The following MRTFB variants were observed in gnomAD, a reference collection of about 807,000 sequenced individuals.
MRTFB encodes myocardin-related transcription factor B.
MRTFB carries 29 observed loss-of-function variants against 104.2 expected under a neutral mutation model. The observed-to-expected ratio is 0.28, with a 90% CI of 0.21 to 0.38. The LOEUF is 0.38. Among genes scored for constraint, MRTFB ranks in the 10% least tolerant of loss-of-function variants. MRTFB has a pLI of 1.00. For synonymous variants in MRTFB, 535 were observed against 519.5 expected (o/e 1.03, Z -0.41); for missense variants, 1,270 against 1,341.6 (o/e 0.95, Z 0.83).
chr16:14,219,134 T>TTAAC, intron 8 of MRTFB, 136 bp downstream of exon 8: 6 of 829,010 alleles, frequency 7.2e-6, no homozygotes, highest in Non-Finnish European at 1.0e-5. Flanking sequence ...AAGCAGGCAC[T>TTAAC]TAACTGCCCT....
the MRTFB span, among the ~76,000 whole-genome samples, chr16:14,006,963 G>A: frequency 6.6e-6 from 1 of 152,000 alleles, no homozygotes; most frequent in Non-Finnish European, 1.5e-5. Context: ...GCTGCAGTGA[G>A]CTATGATCGC....
At chr16:14,030,353 G>A in the MRTFB span, among the ~76,000 whole-genome samples, 4 of 152,144 alleles carry the variant, frequency 2.6e-5, no homozygotes, top group Non-Finnish European at 4.4e-5. Flanking sequence ...ACACTGCCAC[G>A]GAGTCAGATA....
At chr16:14,230,102 C>G (rs1408320519) in intron 8 of MRTFB, among the ~76,000 whole-genome samples, 1 of 152,038 alleles carries the variant, frequency 6.6e-6, no homozygotes, top group Non-Finnish European at 1.5e-5. Context: ...AAACTGGATC[C>G]CTTCCTTACA....
At chr16:14,037,485 G>A in the MRTFB span, among the ~76,000 whole-genome samples, 1 of 152,282 alleles carries the variant, frequency 6.6e-6, no homozygotes, top group East Asian at 1.9e-4. Context: ...AATGGGGGAA[G>A]GGTGTCTTCC....
chr16:14,098,181 C>G (rs926339350), intron 2 of MRTFB, among the ~76,000 whole-genome samples: 1 of 152,104 alleles, frequency 6.6e-6, no homozygotes, highest in Non-Finnish European at 1.5e-5. Flanking sequence ...TCCAAGTTGT[C>G]ATTTCCTTTT....
rs369511525 is a variant in MRTFB at position 14,227,951 on chromosome 16, TA to T, written c.694-6179del. Among the ~76,000 whole-genome samples, 1,123 of 134,420 alleles carry T rather than the reference TA, an allele frequency of 8.4e-3. 4 individuals carry two copies. Among genetic ancestry groups the T allele is most frequent in the Non-Finnish European group, 0.013 (792 of 61,752 alleles). The allele number at this position is 134,420 out of a possible 152,430, so 88.2% of individuals were successfully genotyped here. On this transcript the variant is annotated intron_variant, in intron 8 of 16. Coordinates refer to ENST00000571589, the MANE Select transcript of MRTFB (RefSeq NM_001308142.2). Reference sequence around the variant, plus strand: ...ATGTGGTTTTTGTTGCAGTCTATCTTAAAAAAAAAAAAAAAACAGGCAAAGG... The same window carrying T: ...ATGTGGTTTTTGTTGCAGTCTATCTTAAAAAAAAAAAAAAACAGGCAAAGG...
intron 3 of MRTFB, among the ~76,000 whole-genome samples, chr16:14,154,439 C>T (rs1025638904): frequency 1.3e-5 from 2 of 151,840 alleles, no homozygotes; most frequent in African/African-American, 2.4e-5. Context: ...AGCATAGAGC[C>T]GAATCTTTTT....
intron 3 of MRTFB, among the ~76,000 whole-genome samples, chr16:14,166,508 G>A (rs2039247602): frequency 6.6e-6 from 1 of 152,100 alleles, no homozygotes; most frequent in Non-Finnish European, 1.5e-5. Flanking sequence ...TGTTGTTGTT[G>A]TTGTTTGCTT....
At chr16:14,189,900 G>A (rs2040101115) in intron 3 of MRTFB, among the ~76,000 whole-genome samples, 1 of 152,318 alleles carries the variant, frequency 6.6e-6, no homozygotes, top group African/African-American at 2.4e-5. Context: ...CTAGTTGGCT[G>A]AAATTATTAT....
chr16:14,255,903 A>T (rs929065382), intron 15 of MRTFB, among the ~76,000 whole-genome samples: 1 of 152,138 alleles, frequency 6.6e-6, no homozygotes, highest in African/African-American at 2.4e-5. Flanking sequence ...GCTTGAACCT[A>T]GGAATTTAAG....
Position 14,187,114 on chromosome 16 carries a change from A to C in MRTFB, c.155-23129A>C, listed in dbSNP as rs76370902. 1,392 of 1,174,554 alleles carry C rather than the reference A, an allele frequency of 1.2e-3. 13 individuals are homozygous for C. The African/African-American group carries it at 0.019, about 16-fold the overall frequency. The allele number at this position is 1,174,554 out of a possible 1,614,324, so 72.8% of individuals were successfully genotyped here. A position where few individuals can be genotyped will look rare whatever the true frequency, so the allele number is the denominator to read the frequency against. Reference sequence around the variant, plus strand: ...CAGCTGAGCGTGTCTGTCTGTTACCATGCTATGTGTCTGCTCTCTCTGTTC... The same window carrying C: ...CAGCTGAGCGTGTCTGTCTGTTACCCTGCTATGTGTCTGCTCTCTCTGTTC... On this transcript the variant is annotated intron_variant, in intron 3 of 16. Transcript: ENST00000571589.
chr16:14,031,323 G>A, the MRTFB span, among the ~76,000 whole-genome samples: 2 of 152,026 alleles, frequency 1.3e-5, no homozygotes, highest in Admixed American at 6.5e-5. Context: ...CCTGGGAGGC[G>A]GAGGAGGTTG....
intron 3 of MRTFB, among the ~76,000 whole-genome samples, chr16:14,154,081 T>C (rs1189607099): frequency 2.0e-5 from 3 of 152,198 alleles, no homozygotes; most frequent in African/African-American, 7.2e-5. Context: ...GCCTGTAATT[T>C]CAACACTTTG....
chr16:14,146,470 A>G (rs1468197099), intron 3 of MRTFB, among the ~76,000 whole-genome samples: 1 of 152,228 alleles, frequency 6.6e-6, no homozygotes. Context: ...ACTTTAGATA[A>G]TCTCTTTTTC....
intron 3 of MRTFB, chr16:14,200,639 G>A (rs1024051134): frequency 1.3e-5 from 20 of 1,572,824 alleles, no homozygotes; most frequent in African/African-American, 4.1e-5. Context: ...GTGGAATCAC[G>A]TTGATGAAGA....
chr16:14,191,371 A>G (rs2040175486), intron 3 of MRTFB, among the ~76,000 whole-genome samples: 1 of 152,040 alleles, frequency 6.6e-6, no homozygotes, highest in South Asian at 2.1e-4. Context: ...TTACAACCCA[A>G]TTCCTGTGCC....
the MRTFB span, among the ~76,000 whole-genome samples, chr16:14,057,502 C>T: frequency 6.6e-6 from 1 of 152,096 alleles, no homozygotes; most frequent in Non-Finnish European, 1.5e-5. Flanking sequence ...TGAATTTTCA[C>T]CTCCAAGCAG....
chr16:14,037,671 A>G, the MRTFB span, among the ~76,000 whole-genome samples: 2 of 152,190 alleles, frequency 1.3e-5, no homozygotes, highest in African/African-American at 2.4e-5. Context: ...ATCAGGAGGT[A>G]AATCTGCAAA....
At chr16:14,122,124 GTTCT>G (rs201318024) in intron 2 of MRTFB, among the ~76,000 whole-genome samples, 3,680 of 151,846 alleles carry the variant, frequency 0.024, 157 homozygotes, top group African/African-American at 0.084. Flanking sequence ...TCTTTCTCTT[GTTCT>G]TTCTATGTAA....
Sources: gnomAD v4.1 joint callset for allele counts (sites outside exome capture counted in the v4.1 genomes callset) on GRCh38, gnomAD v4.1.1 for gene constraint, MANE v1.5 for transcripts, NCBI Gene and HGNC (gene_info 2026-07-23, HGNC 2026-07-21) for gene names.